Variants in PIK3CB observed in about 807,000 individuals in gnomAD.
The protein encoded by PIK3CB is phosphatidylinositol-4,5-bisphosphate 3-kinase catalytic subunit beta.
Under a neutral mutation model 136.8 loss-of-function variants are expected in PIK3CB, and 39 were observed. That is an observed-to-expected ratio of 0.29 (90% CI 0.22 to 0.37). PIK3CB has a LOEUF of 0.37. Ranked by LOEUF, PIK3CB falls within the 10% of genes least tolerant of loss-of-function variation. The pLI is 1.00. For synonymous variants in PIK3CB, 428 were observed against 436.6 expected (o/e 0.98, Z 0.25); for missense variants, 868 against 1,275.4 (o/e 0.68, Z 4.87).
At chr3:138,789,969 G>A (rs895495930) in intron 2 of PIK3CB, among the ~76,000 whole-genome samples, 1 of 152,128 alleles carries the variant, frequency 6.6e-6, no homozygotes, top group African/African-American at 2.4e-5. Context: ...GATTACAGGC[G>A]TGAGCCACCA....
At chr3:138,738,743 A>C (rs2045170782) in intron 5 of PIK3CB, among the ~76,000 whole-genome samples, 1 of 152,172 alleles carries the variant, frequency 6.6e-6, no homozygotes, top group African/African-American at 2.4e-5. Flanking sequence ...GTAATTTTTC[A>C]TTATATGATC....
intron 1 of PIK3CB, among the ~76,000 whole-genome samples, chr3:138,833,255 CG>C (rs1203198886): frequency 6.6e-6 from 1 of 151,668 alleles, no homozygotes; most frequent in African/African-American, 2.4e-5. Context: ...TTGGTAGAGA[CG>C]GGGTTTCACC....
At chr3:138,690,159 T>C (rs2043976930) in intron 15 of PIK3CB, among the ~76,000 whole-genome samples, 1 of 151,382 alleles carries the variant, frequency 6.6e-6, no homozygotes, top group Non-Finnish European at 1.5e-5. Flanking sequence ...GAAAACCATA[T>C]TCAGAAATAA....
intron 1 of PIK3CB, among the ~76,000 whole-genome samples, chr3:138,804,428 C>T (rs183413725): frequency 6.2e-4 from 94 of 152,056 alleles, no homozygotes; most frequent in African/African-American, 2.0e-3. Flanking sequence ...GTGGAAGCAT[C>T]GCTTGTGCCC....
chr3:138,721,184 C>CA (rs2044718528), intron 8 of PIK3CB, among the ~76,000 whole-genome samples: 1 of 151,586 alleles, frequency 6.6e-6, no homozygotes, highest in East Asian at 1.9e-4. Context: ...TTTTTTGAGA[C>CA]AGAGTTTTGC....
At chr3:138,734,952 AT>A (rs1200519804) in intron 6 of PIK3CB, 148 bp from the exon 7 acceptor site, 4,528 of 183,672 alleles carry the variant, frequency 0.025, 4 homozygotes, top group Middle Eastern at 0.042. Context: ...AAAAAAAAAA[AT>A]TTTTTTTTTT....
intron 1 of PIK3CB, among the ~76,000 whole-genome samples, chr3:138,819,379 C>A (rs1933464603): frequency 6.6e-6 from 1 of 151,880 alleles, no homozygotes; most frequent in South Asian, 2.1e-4. Context: ...CCAACATATG[C>A]CACTGGTGAC....
chr3:138,683,315 T>C (rs1293771822), intron 18 of PIK3CB, among the ~76,000 whole-genome samples: 1 of 150,374 alleles, frequency 6.7e-6, no homozygotes, highest in African/African-American at 2.5e-5. Flanking sequence ...GATCGTGCCA[T>C]TGCACTCCAG....
At chr3:138,713,262 C>T (rs1476653262) in intron 9 of PIK3CB, among the ~76,000 whole-genome samples, 1 of 151,894 alleles carries the variant, frequency 6.6e-6, no homozygotes, top group Non-Finnish European at 1.5e-5. Flanking sequence ...ATTCTCCCAC[C>T]TCAGCCTCCC....
At chr3:138,827,877 A>T (rs1470752869) in intron 1 of PIK3CB, among the ~76,000 whole-genome samples, 4 of 151,300 alleles carry the variant, frequency 2.6e-5, no homozygotes. Context: ...AATCCCAGCC[A>T]CTCAGGAGGC....
At chr3:138,733,225 T>C (rs181921279) in intron 8 of PIK3CB, 136 bp downstream of exon 8, 161 of 426,918 alleles carry the variant, frequency 3.8e-4, no homozygotes, top group Non-Finnish European at 6.1e-4. Flanking sequence ...AGTCTTATAA[T>C]AAATTACCAT....
intron 2 of PIK3CB, among the ~76,000 whole-genome samples, chr3:138,779,997 G>T (rs547556594): frequency 6.6e-6 from 1 of 151,794 alleles, no homozygotes; most frequent in South Asian, 2.1e-4. Flanking sequence ...TCGCTCTGTT[G>T]CCCAGGCTGG....
chr3:138,811,419 G>A (rs961769874), intron 1 of PIK3CB, among the ~76,000 whole-genome samples: 62 of 151,116 alleles, frequency 4.1e-4, no homozygotes, highest in African/African-American at 1.5e-3. Context: ...CTATTGATAT[G>A]CAAGAAAATT....
chr3:138,831,414 GAA>G (rs1406787516), intron 1 of PIK3CB, among the ~76,000 whole-genome samples: 2 of 147,352 alleles, frequency 1.4e-5, no homozygotes, highest in African/African-American at 5.0e-5. Context: ...CCAACATGGA[GAA>G]ACCCCTAAAA....
chr3:138,705,201 A>AAAAAAAAAAAC (rs2044354275), intron 11 of PIK3CB, among the ~76,000 whole-genome samples: 1 of 142,200 alleles, frequency 7.0e-6, no homozygotes, highest in East Asian at 2.2e-4. Flanking sequence ...AAAAAAAAAA[A>AAAAAAAAAAAC]CTTATATTTG....
intron 2 of PIK3CB, chr3:138,770,360 T>C (rs1478091614): frequency 6.6e-6 from 1 of 152,198 alleles, no homozygotes; most frequent in African/African-American, 2.4e-5. Context: ...GAAAACAACA[T>C]AAATTTGTTC....
chr3:138,781,623 T>TTTTGTA (rs1559876129), intron 2 of PIK3CB, among the ~76,000 whole-genome samples: 1 of 152,066 alleles, frequency 6.6e-6, no homozygotes, highest in Non-Finnish European at 1.5e-5. Flanking sequence ...TGGCTAATTT[T>TTTTGTA]TTTGTATTTT....
chr3:138,710,306 C>G (rs2044471029), intron 10 of PIK3CB, among the ~76,000 whole-genome samples: 2 of 152,092 alleles, frequency 1.3e-5, no homozygotes, highest in Non-Finnish European at 2.9e-5. Context: ...TAGAAGGACA[C>G]ACACACACAC....
At chr3:138,723,785 A>G (rs2044782285) in intron 8 of PIK3CB, among the ~76,000 whole-genome samples, 1 of 152,054 alleles carries the variant, frequency 6.6e-6, no homozygotes, top group Non-Finnish European at 1.5e-5. Context: ...TAAGATATGA[A>G]TTTTTTTCAC....
Sources: gnomAD v4.1 joint callset for allele counts (sites outside exome capture counted in the v4.1 genomes callset) on GRCh38, gnomAD v4.1.1 for gene constraint, MANE v1.5 for transcripts, NCBI Gene and HGNC (gene_info 2026-07-23, HGNC 2026-07-21) for gene names.